The following SASH1 variants were observed in gnomAD, a reference collection of about 807,000 sequenced individuals.
SASH1 encodes the protein SAM and SH3 domain-containing protein 1.
Under a neutral mutation model 125.2 loss-of-function variants are expected in SASH1, and 44 were observed. The ratio of observed to expected loss-of-function variants is 0.35; its 90% CI spans 0.28 to 0.45. SASH1 has a LOEUF of 0.45. Ranked by LOEUF, SASH1 falls within the 20% of genes least tolerant of loss-of-function variation. The probability of loss-of-function intolerance (pLI) is 1.00; values close to 1 mark genes in which losing one functional copy is unlikely to be tolerated. For synonymous variants in SASH1, 639 were observed against 649.1 expected (o/e 0.98, Z 0.24); for missense variants, 1,426 against 1,614.5 (o/e 0.88, Z 2.00).
Position 148,321,872 on chromosome 6 carries a change from T to A in SASH1, n.74+49495T>A, listed in dbSNP as rs576733744. Among the ~76,000 whole-genome samples, 26 of 152,214 alleles carry A rather than the reference T, an allele frequency of 1.7e-4. 1 individual carries two copies. The South Asian group carries it at 5.0e-3, about 29-fold the overall frequency. On this transcript the variant is annotated intron_variant and non_coding_transcript_variant, in intron 1 of 3. Transcript: ENST00000367469. The stretch of plus-strand genomic sequence containing the variant: ...AAATGTGTTAATAGGAAAGGAGGAG[T>A]CTATTTGATCTTTAAAAGAGAAAAC...
At chr6:148,327,741 G>A (rs1343619830) in intron 1 of SASH1, among the ~76,000 whole-genome samples, 1 of 148,728 alleles carries the variant, frequency 6.7e-6, no homozygotes, top group African/African-American at 2.5e-5. Flanking sequence ...AGGAGTTCGA[G>A]ACCAGCCTGG....
At chr6:148,324,840 T>C (rs540723751) in intron 1 of SASH1, among the ~76,000 whole-genome samples, 4 of 152,282 alleles carry the variant, frequency 2.6e-5, no homozygotes, top group African/African-American at 9.6e-5. Context: ...CTAGGACGGC[T>C]GGGCACCCTA....
At chr6:148,489,746 T>A (rs1450564362) in intron 8 of SASH1, among the ~76,000 whole-genome samples, 2 of 152,142 alleles carry the variant, frequency 1.3e-5, no homozygotes, top group Non-Finnish European at 2.9e-5. Context: ...CAATGCTTTT[T>A]AAATTTTTTT....
the SASH1 span, among the ~76,000 whole-genome samples, chr6:148,259,112 G>A: frequency 6.6e-6 from 1 of 152,204 alleles, no homozygotes; most frequent in Non-Finnish European, 1.5e-5. Flanking sequence ...GGTACTCAAA[G>A]ATCGTTGTCT....
intron 2 of SASH1, among the ~76,000 whole-genome samples, chr6:148,425,108 G>C (rs1410984166): frequency 1.3e-5 from 2 of 152,200 alleles, no homozygotes; most frequent in Non-Finnish European, 2.9e-5. Flanking sequence ...GCTCATGGAA[G>C]AGATGAATTG....
chr6:148,306,868 A>G (rs1391488944), intron 1 of SASH1, among the ~76,000 whole-genome samples: 1 of 151,996 alleles, frequency 6.6e-6, no homozygotes, highest in African/African-American at 2.4e-5. Context: ...ACCTCTAGGA[A>G]CTCACTCTGT....
In SASH1 at chr6:148,440,372, C is replaced by T; in HGVS notation, c.351C>T (p.Phe117=). The change falls in exon 4 of 20, where the codon TTC becomes TTT. Residue 117 remains phenylalanine, a synonymous_variant. Transcript: ENST00000367467. ...LRSQIEESLG[F]CSAVSTPEVE... is the part of the protein sequence containing the mutation. ...TTCTCTCGTAGGAGTCGCTTGGCTT[C>T]TGTAGCGCCGTGTCAACCCCAGAAG... The T allele has an allele frequency of 6.2e-7, 1 of 1,612,940 alleles. No homozygotes were observed. Among genetic ancestry groups the T allele is most frequent in the Non-Finnish European group, 8.5e-7 (1 of 1,179,550 alleles).
At chr6:148,418,048 C>T (rs1009168867) in intron 2 of SASH1, among the ~76,000 whole-genome samples, 1 of 152,146 alleles carries the variant, frequency 6.6e-6, no homozygotes, top group Middle Eastern at 3.2e-3. Context: ...AATCTGAAAA[C>T]AAACCCAGTG....
Position 148,343,120 on chromosome 6 carries a change from A to C in SASH1, c.53A>C (p.Glu18Ala), listed in dbSNP as rs1292076126. The C allele has an allele frequency of 2.2e-5, 35 of 1,589,814 alleles. No individual in the cohort carries two copies. The highest frequency in any genetic ancestry group is 2.7e-5 in the Non-Finnish European group (32 of 1,175,010). Residue 18 changes from glutamate (E) to alanine (A), a missense_variant, in exon 1 of 20, where the codon GAG becomes GCG. Around this residue, in one of 3 missense-constraint regions of SASH1, gnomAD observed 567 missense variants for 575.6 expected, o/e 0.99. Coordinates refer to ENST00000367467, the MANE Select transcript of SASH1 (RefSeq NM_015278.5). ...GGGCCGGAGCCTGAGCCCGAGCCCG[A>C]GCCGGAGCCCGAGCCCGCGCCGGAG... ...GPGPEPEPEP[E>A]PEPEPAPEPE... is the part of the protein sequence containing the mutation.
chr6:148,491,279 G>A (rs1433106510), intron 8 of SASH1, among the ~76,000 whole-genome samples: 1 of 152,102 alleles, frequency 6.6e-6, no homozygotes, highest in African/African-American at 2.4e-5. Flanking sequence ...CTTTTTTGTT[G>A]TTGTTGTTGA....
chr6:148,327,951 A>G (rs201804398), intron 1 of SASH1, among the ~76,000 whole-genome samples: 12 of 148,196 alleles, frequency 8.1e-5, no homozygotes, highest in African/African-American at 9.7e-5. Flanking sequence ...AAAAAAAAAA[A>G]AAAAAGAAAA....
intron 2 of SASH1, among the ~76,000 whole-genome samples, chr6:148,402,258 T>A (rs1483961367): frequency 1.3e-5 from 2 of 152,282 alleles, no homozygotes; most frequent in Admixed American, 1.3e-4. Context: ...AAAAACAAAG[T>A]ATGGGAAGGC....
At chr6:148,470,125 G>A (rs1384428487) in intron 5 of SASH1, among the ~76,000 whole-genome samples, 1 of 152,106 alleles carries the variant, frequency 6.6e-6, no homozygotes, top group Non-Finnish European at 1.5e-5. Flanking sequence ...ATAATAACTA[G>A]TCTGCTTTAA....
intron 1 of SASH1, among the ~76,000 whole-genome samples, chr6:148,351,937 T>C (rs1781744401): frequency 6.6e-6 from 1 of 152,124 alleles, no homozygotes; most frequent in Admixed American, 6.6e-5. Context: ...CATAGGATTT[T>C]AAGGACCTCC....
At chr6:148,506,104 C>T (rs1779786822) in intron 8 of SASH1, among the ~76,000 whole-genome samples, 1 of 151,646 alleles carries the variant, frequency 6.6e-6, no homozygotes, top group Admixed American at 6.6e-5. Context: ...TTGCTATTTA[C>T]ACAGCACCTA....
intron 1 of SASH1, among the ~76,000 whole-genome samples, chr6:148,377,273 C>T (rs1008367005): frequency 3.3e-5 from 5 of 151,112 alleles, no homozygotes; most frequent in Admixed American, 6.6e-5. Flanking sequence ...GAACCAGTGG[C>T]ATTCCTCCTG....
intron 1 of SASH1, among the ~76,000 whole-genome samples, chr6:148,327,263 G>C (rs190446672): frequency 1.6e-4 from 24 of 151,922 alleles, no homozygotes; most frequent in African/African-American, 5.8e-4. Context: ...ATGAATGAAT[G>C]AATGACACAT....
chr6:148,424,565 G>A (rs958302977), intron 2 of SASH1, among the ~76,000 whole-genome samples: 3 of 152,148 alleles, frequency 2.0e-5, no homozygotes, highest in African/African-American at 7.2e-5. Context: ...GAGTGCCGTG[G>A]TGCAATCATA....
chr6:148,353,504 G>A (rs78603935), intron 1 of SASH1, among the ~76,000 whole-genome samples: 11,965 of 140,482 alleles, frequency 0.085, 742 homozygotes, highest in East Asian at 0.33. Context: ...GCGCGATCTC[G>A]GCTCACTGCA....
Sources: allele counts gnomAD v4.1 joint callset (sites outside exome capture counted in the v4.1 genomes callset), GRCh38; gene constraint gnomAD v4.1.1; regional missense constraint gnomAD v4.1.1; transcripts MANE v1.5; gene names NCBI Gene and HGNC (gene_info 2026-07-23, HGNC 2026-07-21).